CAMTA1: variants seen among roughly 807,000 people sequenced by gnomAD.
CAMTA1 encodes calmodulin binding transcription activator 1, also known as calmodulin-binding transcription activator 1.
In CAMTA1, 27 loss-of-function variants were observed where a neutral mutation model predicts 170.9. The observed-to-expected ratio is 0.16, with a 90% CI of 0.12 to 0.22. The LOEUF is 0.22. Ranked by LOEUF, CAMTA1 falls within the 10% of genes least tolerant of loss-of-function variation. CAMTA1 has a pLI of 1.00. For synonymous variants in CAMTA1, 833 were observed against 891.5 expected, an observed-to-expected ratio of 0.93 and a Z score of 1.17; for missense variants, 1,619 against 2,217.2, an observed-to-expected ratio of 0.73 and a Z score of 5.42.
At chr1:7,395,803 TTTA>T (rs1351543484) in intron 5 of CAMTA1, among the ~76,000 whole-genome samples, 1 of 152,202 alleles carries the variant, frequency 6.6e-6, no homozygotes. Flanking sequence ...TTTGCTTAAA[TTTA>T]TTACTAGGTA....
At chr1:7,112,577 G>C (rs1294647554) in intron 4 of CAMTA1, among the ~76,000 whole-genome samples, 1 of 152,214 alleles carries the variant, frequency 6.6e-6, no homozygotes, top group African/African-American at 2.4e-5. Context: ...CACTCTGACA[G>C]ACACCCAGCG....
Position 7,680,516 on chromosome 1 carries a change from C to T in CAMTA1, c.2914+2783C>T, listed in dbSNP as rs577920015. Among the ~76,000 whole-genome samples, 592 of 151,548 alleles carry T rather than the reference C, an allele frequency of 3.9e-3. 5 individuals are homozygous for T. The highest frequency in any genetic ancestry group is 0.014 in the African/African-American group (565 of 41,376). On this transcript the variant is annotated intron_variant, in intron 11 of 22. Coordinates refer to ENST00000303635, the MANE Select transcript of CAMTA1 (RefSeq NM_015215.4). The surrounding 1 kb of genome is among the most constrained non-coding windows in gnomAD (Gnocchi z 4.4). Reference sequence around the variant, plus strand: ...CAATGCGGGGCCCTTCGCGGAACTGCTGGCGGCGCCGCGCCCCGCGGGGTC... The same window carrying T: ...CAATGCGGGGCCCTTCGCGGAACTGTTGGCGGCGCCGCGCCCCGCGGGGTC...
chr1:7,663,268 GCT>G (rs1381225748), intron 8 of CAMTA1, 83 bp from the exon 9 acceptor site: 12 of 1,487,166 alleles, frequency 8.1e-6, no homozygotes, highest in Non-Finnish European at 1.1e-5. Context: ...CACGGTCCTA[GCT>G]CTGACTCTCT....
intron 1 of CAMTA1, among the ~76,000 whole-genome samples, chr1:6,787,260 T>C (rs1639681243): frequency 6.6e-6 from 1 of 152,196 alleles, no homozygotes; most frequent in Admixed American, 6.5e-5. Flanking sequence ...TAGACACCCG[T>C]GTCGCCCACA....
intron 11 of CAMTA1, among the ~76,000 whole-genome samples, chr1:7,691,435 G>A (rs548467011): frequency 5.3e-5 from 8 of 152,276 alleles, no homozygotes; most frequent in South Asian, 2.1e-4. Flanking sequence ...CTGAAGAAGC[G>A]CACATGGCAG....
At chr1:7,359,804 C>G (rs1447679689) in intron 5 of CAMTA1, among the ~76,000 whole-genome samples, 1 of 152,130 alleles carries the variant, frequency 6.6e-6, no homozygotes, top group Non-Finnish European at 1.5e-5. Flanking sequence ...TGAAACTTGT[C>G]CCTTCTGAAG....
intron 5 of CAMTA1, among the ~76,000 whole-genome samples, chr1:7,275,554 A>G (rs1670468300): frequency 6.6e-6 from 1 of 152,158 alleles, no homozygotes; most frequent in Non-Finnish European, 1.5e-5. Flanking sequence ...CAAATTATTA[A>G]TATGAGTAAA....
intron 4 of CAMTA1, among the ~76,000 whole-genome samples, chr1:7,161,304 G>A (rs1187531126): frequency 1.3e-5 from 2 of 152,176 alleles, no homozygotes; most frequent in East Asian, 3.9e-4. Context: ...TGCACAGTTA[G>A]CTCCTGCTCA....
rs556183628 is a variant in CAMTA1, at chr1:7,555,587, A to G, written c.511-84813A>G. On this transcript the variant is annotated intron_variant, in intron 6 of 22. Coordinates refer to ENST00000303635, the MANE Select transcript of CAMTA1 (RefSeq NM_015215.4). ...ACAAGCTTGGAACTCTCACCCAAGGAGCCGAATGAGGTCCTGCTCCTGGAA... is the reference window on the plus strand; with the variant it reads ...ACAAGCTTGGAACTCTCACCCAAGGGGCCGAATGAGGTCCTGCTCCTGGAA... Among the ~76,000 whole-genome samples, 4 of 147,450 alleles carry G rather than the reference A, an allele frequency of 2.7e-5. No individual in the cohort carries two copies. In the East Asian group the frequency reaches 8.0e-4, roughly 30 times the overall value.
chr1:7,747,282 T>C (rs2096863800), intron 18 of CAMTA1, among the ~76,000 whole-genome samples: 1 of 152,178 alleles, frequency 6.6e-6, no homozygotes, highest in Non-Finnish European at 1.5e-5. Context: ...TTTTTCTGTG[T>C]GCATTTTTGG....
At chr1:7,051,411 C>A (rs2101606263) in intron 3 of CAMTA1, among the ~76,000 whole-genome samples, 1 of 152,314 alleles carries the variant, frequency 6.6e-6, no homozygotes, top group South Asian at 2.1e-4. Context: ...CACTTCCAGA[C>A]CCACTCTTCG....
intron 5 of CAMTA1, among the ~76,000 whole-genome samples, chr1:7,270,234 CATAT>C (rs200909775): frequency 0.074 from 5,973 of 80,440 alleles, 194 homozygotes; most frequent in African/African-American, 0.16. Flanking sequence ...TATATATACA[CATAT>C]ATACATACAC....
chr1:7,528,942 A>G (rs1435895075), intron 6 of CAMTA1, among the ~76,000 whole-genome samples: 1 of 151,684 alleles, frequency 6.6e-6, no homozygotes, highest in African/African-American at 2.4e-5. Context: ...TAGGGTAGAA[A>G]CTCCTGCACA....
intron 5 of CAMTA1, among the ~76,000 whole-genome samples, chr1:7,398,177 CTCT>C (rs2089498269): frequency 2.4e-5 from 1 of 42,152 alleles, no homozygotes; most frequent in African/African-American, 9.5e-5. Context: ...CTCTCTCTCT[CTCT>C]CTCTCTCTCT....
At chr1:7,220,245 C>A (rs1457076323) in intron 4 of CAMTA1, among the ~76,000 whole-genome samples, 1 of 152,212 alleles carries the variant, frequency 6.6e-6, no homozygotes, top group Non-Finnish European at 1.5e-5. Context: ...CATGGAGTAT[C>A]TTTGTTCTGG....
At chr1:7,210,228 A>G (rs1231309808) in intron 4 of CAMTA1, among the ~76,000 whole-genome samples, 2 of 152,220 alleles carry the variant, frequency 1.3e-5, no homozygotes, top group African/African-American at 4.8e-5. Context: ...TTTAGTTTCC[A>G]TGTCTCTGTA....
intron 3 of CAMTA1, among the ~76,000 whole-genome samples, chr1:6,851,803 C>T (rs963458127): frequency 4.6e-5 from 7 of 152,056 alleles, no homozygotes; most frequent in African/African-American, 1.7e-4. Flanking sequence ...CAGTTGAGGC[C>T]GGGAGTTCGA....
At chr1:7,182,879 C>T (rs1237452059) in intron 4 of CAMTA1, among the ~76,000 whole-genome samples, 1 of 152,158 alleles carries the variant, frequency 6.6e-6, no homozygotes, top group Non-Finnish European at 1.5e-5. Flanking sequence ...TGGCTTTGAG[C>T]TGTCATTTTT....
At position 6,953,389 on chromosome 1, in the gene CAMTA1, T is replaced by C. The variant is rs998837510; in HGVS notation, c.234+128179T>C. On this transcript the variant is annotated intron_variant, in intron 3 of 22. Transcript: ENST00000303635. ...CGTGGCCAAGATCTCAGTTGGTCTTTGTTCTTTCTCGCCGCGTGAGTCCCC... is the reference window on the plus strand; with the variant it reads ...CGTGGCCAAGATCTCAGTTGGTCTTCGTTCTTTCTCGCCGCGTGAGTCCCC... 2.0e-5 allele frequency among the ~76,000 whole-genome samples: 3 copies of C among 152,210 alleles called. No homozygotes were observed. The East Asian group carries it at 5.8e-4, about 29-fold the overall frequency.
Sources: gnomAD v4.1 joint callset for allele counts (sites outside exome capture counted in the v4.1 genomes callset) on GRCh38, gnomAD v4.1.1 for gene constraint, Gnocchi (gnomAD v3.1) non-coding constraint, MANE v1.5 for transcripts, NCBI Gene and HGNC (gene_info 2026-07-23, HGNC 2026-07-21) for gene names.